The following CPQ variants were observed in gnomAD, a reference collection of about 807,000 sequenced individuals.
CPQ encodes carboxypeptidase Q, also known as Ser-Met dipeptidase.
A neutral mutation model predicts 45.7 loss-of-function variants in CPQ; 37 were observed. That is an observed-to-expected ratio of 0.81 (90% CI 0.62 to 1.07). The LOEUF (loss-of-function observed/expected upper bound fraction) is 1.07. Among genes scored for constraint, CPQ ranks in the 50% least tolerant of loss-of-function variants. The pLI, the probability that CPQ is intolerant of heterozygous loss-of-function variation, is 0.00. For synonymous variants in CPQ, 186 were observed against 205.8 expected (o/e 0.90, Z 0.82); for missense variants, 537 against 572.9 (o/e 0.94, Z 0.64).
At chr8:96,782,755 A>G (rs1301160851) in intron 1 of CPQ, among the ~76,000 whole-genome samples, 1 of 152,112 alleles carries the variant, frequency 6.6e-6, no homozygotes, top group Non-Finnish European at 1.5e-5. Flanking sequence ...TATTATATAC[A>G]TTTAAAAGAA....
chr8:97,031,652 C>T (rs1237002108), intron 6 of CPQ, among the ~76,000 whole-genome samples: 1 of 152,146 alleles, frequency 6.6e-6, no homozygotes, highest in African/African-American at 2.4e-5. Flanking sequence ...TGGATGAAAT[C>T]GGAAATGCCT....
intron 6 of CPQ, among the ~76,000 whole-genome samples, chr8:97,058,593 T>C (rs1209907530): frequency 6.6e-6 from 1 of 152,162 alleles, no homozygotes; most frequent in Non-Finnish European, 1.5e-5. Context: ...CAGGAAAGAC[T>C]GACAGATAAC....
At chr8:96,784,020 G>T (rs1810724777) in intron 1 of CPQ, among the ~76,000 whole-genome samples, 1 of 152,064 alleles carries the variant, frequency 6.6e-6, no homozygotes, top group East Asian at 1.9e-4. Flanking sequence ...TTGGCAAACT[G>T]CTTAATCGCT....
intron 4 of CPQ, among the ~76,000 whole-genome samples, chr8:96,933,772 G>C (rs1341879695): frequency 6.6e-6 from 1 of 152,070 alleles, no homozygotes; most frequent in Non-Finnish European, 1.5e-5. Context: ...TAATAGCAGT[G>C]ATGACCATGT....
rs546416042 is a variant in CPQ at position 96,712,875 on chromosome 8, A to AC, written c.-35+67473_-35+67474insC. 4.6e-5 allele frequency among the ~76,000 whole-genome samples: 7 copies of AC among 151,312 alleles called. No homozygotes were observed. In the South Asian group the frequency reaches 1.0e-3, roughly 23 times the overall value. On this transcript the variant is annotated intron_variant, in intron 1 of 7. Coordinates refer to ENST00000220763, the MANE Select transcript of CPQ (RefSeq NM_016134.4). ...TGCAGCTGGCTTGAATTTCTCCCACAAATTTTTTTTTCTATTGCATCATTA... is the reference window on the plus strand; with the variant it reads ...TGCAGCTGGCTTGAATTTCTCCCACACAATTTTTTTTTCTATTGCATCATTA...
At position 96,879,889 on chromosome 8, in the gene CPQ, A is replaced by G. The variant is rs753447649; in HGVS notation, c.733A>G (p.Met245Val). 3 of 1,614,094 alleles carry G rather than the reference A, an allele frequency of 1.9e-6. No individual in the cohort carries two copies. The highest frequency in any genetic ancestry group is 1.1e-5 in the South Asian group (1 of 91,076). ...TVEDAEMMSRMASHGIKIVIQ... is the reference protein window; with the variant it reads ...TVEDAEMMSRVASHGIKIVIQ... Reference sequence around the variant, plus strand: ...GGAAGATGCAGAAATGATGTCAAGAATGGCTTCTCATGGGATCAAAATTGT... The same window carrying G: ...GGAAGATGCAGAAATGATGTCAAGAGTGGCTTCTCATGGGATCAAAATTGT... Residue 245 changes from methionine (M) to valine (V), a missense_variant, in exon 4 of 8, where the codon ATG (methionine) becomes GTG (valine). Met to Val is a conservative substitution (Grantham distance 21). Transcript: ENST00000220763.
intron 5 of CPQ, among the ~76,000 whole-genome samples, chr8:96,976,266 A>G (rs974421999): frequency 6.6e-6 from 1 of 150,952 alleles, no homozygotes; most frequent in South Asian, 2.1e-4. Flanking sequence ...AAAAAAAAAA[A>G]AAAAAACCTT....
intron 4 of CPQ, among the ~76,000 whole-genome samples, chr8:96,926,576 C>CTCCTCTTCT (rs1812882597): frequency 1.3e-5 from 1 of 74,976 alleles, no homozygotes; most frequent in Non-Finnish European, 2.4e-5. Context: ...CTTCCTCTTC[C>CTCCTCTTCT]TCTTCTTCTT....
chr8:96,835,298 C>T (rs1811515885), intron 3 of CPQ, 118 bp downstream of exon 3: 1 of 741,120 alleles, frequency 1.3e-6, no homozygotes, highest in Non-Finnish European at 2.0e-6. Context: ...CATGGAGTTT[C>T]CCCCCCAAAC....
In CPQ at chr8:97,044,115, G is replaced by A. The variant is rs188106523; in HGVS notation, c.1053+14621G>A. On this transcript the variant is annotated intron_variant, in intron 6 of 7. Transcript: ENST00000220763. ...GTTCCATTCTGCCTGTCACTTTCAGGTACACCAATCAGACGTAGATTTGGT... is the reference window on the plus strand; with the variant it reads ...GTTCCATTCTGCCTGTCACTTTCAGATACACCAATCAGACGTAGATTTGGT... Among the ~76,000 whole-genome samples the A allele has an allele frequency of 1.5e-3, 231 of 152,276 alleles. 1 individual carries two copies. Among genetic ancestry groups the A allele is most frequent in the African/African-American group, 5.2e-3 (218 of 41,556 alleles).
At chr8:96,928,931 A>C (rs1812931712) in intron 4 of CPQ, among the ~76,000 whole-genome samples, 1 of 152,108 alleles carries the variant, frequency 6.6e-6, no homozygotes, top group Non-Finnish European at 1.5e-5. Flanking sequence ...ACAAACCCCA[A>C]ACTTCTCAAC....
intron 1 of CPQ, among the ~76,000 whole-genome samples, chr8:96,709,353 G>GT (rs764383321): frequency 1.3e-5 from 2 of 152,002 alleles, no homozygotes; most frequent in Non-Finnish European, 2.9e-5. Flanking sequence ...ACAGTATTTG[G>GT]TTTTCTATTC....
At chr8:96,812,389 C>G (rs529699890) in intron 2 of CPQ, among the ~76,000 whole-genome samples, 1 of 152,070 alleles carries the variant, frequency 6.6e-6, no homozygotes, top group Non-Finnish European at 1.5e-5. Flanking sequence ...CATGTATTCT[C>G]TAAGCAGCAA....
intron 5 of CPQ, among the ~76,000 whole-genome samples, chr8:97,019,030 T>C (rs1809628761): frequency 6.6e-6 from 1 of 152,186 alleles, no homozygotes; most frequent in Non-Finnish European, 1.5e-5. Flanking sequence ...TAACAGCAGA[T>C]TTCTGAGCAG....
chr8:96,728,576 A>T (rs1297926072), intron 1 of CPQ, among the ~76,000 whole-genome samples: 2 of 152,236 alleles, frequency 1.3e-5, no homozygotes, highest in African/African-American at 4.8e-5. Context: ...TTCTCAAAAC[A>T]GAAAACCTTT....
chr8:96,958,130 C>T (rs1813387834), intron 4 of CPQ, among the ~76,000 whole-genome samples: 1 of 152,012 alleles, frequency 6.6e-6, no homozygotes, highest in Admixed American at 6.6e-5. Flanking sequence ...TGTGAGCCAC[C>T]ATGCTCGGCC....
chr8:96,672,659 T>C (rs1809019919), intron 1 of CPQ, among the ~76,000 whole-genome samples: 2 of 151,916 alleles, frequency 1.3e-5, no homozygotes, highest in African/African-American at 4.8e-5. Context: ...GTGCCTGTAA[T>C]CCTAGATACT....
At chr8:96,726,551 G>A (rs1248137344) in intron 1 of CPQ, among the ~76,000 whole-genome samples, 1 of 152,100 alleles carries the variant, frequency 6.6e-6, no homozygotes, top group Non-Finnish European at 1.5e-5. Flanking sequence ...ACAGGAGCAA[G>A]AGGGCGAGGG....
chr8:96,778,425 A>G (rs1246011322), intron 1 of CPQ, among the ~76,000 whole-genome samples: 1 of 152,170 alleles, frequency 6.6e-6, no homozygotes, highest in East Asian at 1.9e-4. Flanking sequence ...TTTAGATTAT[A>G]TTCCAGGGAA....
Sources: allele counts gnomAD v4.1 joint callset (sites outside exome capture counted in the v4.1 genomes callset), GRCh38; gene constraint gnomAD v4.1.1; transcripts MANE v1.5; gene names NCBI Gene and HGNC (gene_info 2026-07-23, HGNC 2026-07-21).